Variants in SUZ12 observed in about 807,000 individuals in gnomAD.
SUZ12 encodes the protein polycomb protein SUZ12.
SUZ12 carries 17 observed loss-of-function variants against 87.3 expected under a neutral mutation model. That is an observed-to-expected ratio of 0.19 (90% CI 0.13 to 0.29). The LOEUF is 0.29. Ranked by LOEUF, SUZ12 falls within the 10% of genes least tolerant of loss-of-function variation. SUZ12 has a pLI of 1.00. For synonymous variants in SUZ12, 253 were observed against 312.4 expected (o/e 0.81, Z 2.01); for missense variants, 526 against 912.2 (o/e 0.58, Z 5.45).
At position 31,999,686 on chromosome 17, in the gene SUZ12, AAG is replaced by A. The variant is rs759421080; in HGVS notation, c.*685_*686del. ...ACAGTGAAATGCTATGTTGGTTTAT[AAG>A]ATTACAGACCATTTGTTTTCATGTG... On this transcript the variant is annotated 3_prime_UTR_variant, in exon 16 of 16. Coordinates refer to ENST00000322652, the MANE Select transcript of SUZ12 (RefSeq NM_015355.4). 11 of 232,064 alleles carry A rather than the reference AAG, an allele frequency of 4.7e-5. No homozygotes were observed. In the East Asian group the frequency reaches 6.1e-4, roughly 13 times the overall value. The allele number at this position is 232,064 out of a possible 1,614,324, so 14.4% of individuals were successfully genotyped here. A position where few individuals can be genotyped will look rare whatever the true frequency, so the allele number is the denominator to read the frequency against.
At chr17:31,974,972 C>T (rs1908658858) in intron 6 of SUZ12, among the ~76,000 whole-genome samples, 1 of 152,004 alleles carries the variant, frequency 6.6e-6, no homozygotes, top group Non-Finnish European at 1.5e-5. Context: ...TGTTAAACAA[C>T]ATATTTTAAC....
At chr17:31,940,245 T>C in intron 1 of SUZ12, 41 bp from the exon 2 acceptor site, 1 of 1,580,336 alleles carries the variant, frequency 6.3e-7, no homozygotes, top group South Asian at 1.2e-5. Context: ...TTCTGACAAG[T>C]AAGTTTAGAT....
chr17:31,950,853 C>A (rs1017573877), intron 4 of SUZ12, among the ~76,000 whole-genome samples: 5 of 151,890 alleles, frequency 3.3e-5, no homozygotes, highest in Admixed American at 1.3e-4. Flanking sequence ...GATCTCAGCT[C>A]ACTGCAGGCT....
intron 8 of SUZ12, among the ~76,000 whole-genome samples, chr17:31,981,759 G>C (rs9916607): frequency 0.049 from 7,443 of 152,230 alleles, 581 homozygotes; most frequent in African/African-American, 0.17. Context: ...TCATTTGCTG[G>C]ATCTGGCTAT....
At chr17:31,963,487 G>A (rs1457383007) in intron 4 of SUZ12, among the ~76,000 whole-genome samples, 1 of 147,302 alleles carries the variant, frequency 6.8e-6, no homozygotes, top group African/African-American at 2.5e-5. Context: ...GTGGTTCTTA[G>A]GTATTTTTTT....
At chr17:31,959,373 CAG>C (rs1444106994) in intron 4 of SUZ12, among the ~76,000 whole-genome samples, 1 of 152,142 alleles carries the variant, frequency 6.6e-6, no homozygotes, top group Non-Finnish European at 1.5e-5. Context: ...AGTACTTCTG[CAG>C]AGTGATCCAT....
Position 31,947,654 on chromosome 17 carries a change from G to C in SUZ12, c.424G>C (p.Glu142Gln). ...FKVDDMLSKV[E>Q]KMKGEQESHS... The stretch of plus-strand genomic sequence containing the variant: ...AGTTGATGATATGTTATCAAAAGTA[G>C]AGAAAATGAAAGGAGAGCAAGAATC... Residue 142 changes from glutamate (E) to glutamine (Q), a missense_variant, in exon 4 of 16, where the codon GAG (glutamate) becomes CAG (glutamine). This residue lies in a region of SUZ12 where 49 missense variants were observed against 73.2 expected (regional missense o/e 0.67). Transcript: ENST00000322652. The C allele has an allele frequency of 6.2e-7, 1 of 1,606,212 alleles. No individual in the cohort carries two copies. The highest frequency in any genetic ancestry group is 8.5e-7 in the Non-Finnish European group (1 of 1,174,900).
chr17:31,979,409 T>C (rs1409613778), intron 8 of SUZ12, among the ~76,000 whole-genome samples: 2 of 152,174 alleles, frequency 1.3e-5, no homozygotes, highest in African/African-American at 4.8e-5. Flanking sequence ...TTGACCTCAA[T>C]AATGTCCTTT....
intron 5 of SUZ12, 101 bp from the exon 6 acceptor site, chr17:31,973,044 CT>C: frequency 8.9e-7 from 1 of 1,118,674 alleles, no homozygotes; most frequent in Non-Finnish European, 1.2e-6. Context: ...AGAAGTCTTA[CT>C]GTGGGAAATC....
intron 11 of SUZ12, among the ~76,000 whole-genome samples, 164 bp downstream of exon 11, chr17:31,993,497 C>T (rs926036379): frequency 6.6e-6 from 1 of 152,126 alleles, no homozygotes; most frequent in Non-Finnish European, 1.5e-5. Flanking sequence ...TCTTGGCTCA[C>T]TGCAACCTCT....
chr17:31,996,585 C>CTTCA (rs1283249201), intron 14 of SUZ12, among the ~76,000 whole-genome samples: 1 of 152,186 alleles, frequency 6.6e-6, no homozygotes, highest in Non-Finnish European at 1.5e-5. Flanking sequence ...TGCCACTGTA[C>CTTCA]TTCAGCCTGG....
intron 3 of SUZ12, among the ~76,000 whole-genome samples, chr17:31,943,706 C>CTT (rs748882581): frequency 9.0e-5 from 13 of 145,000 alleles, no homozygotes; most frequent in African/African-American, 2.8e-4. Flanking sequence ...TTCATCAAAG[C>CTT]TTTTTTTTTT....
At chr17:31,977,342 A>G (rs1475874393) in intron 8 of SUZ12, among the ~76,000 whole-genome samples, 3 of 149,456 alleles carry the variant, frequency 2.0e-5, no homozygotes, top group East Asian at 2.0e-4. Context: ...CAGTGGCGCA[A>G]TCTCTGCTCA....
intron 9 of SUZ12, among the ~76,000 whole-genome samples, chr17:31,988,038 ATCTG>A (rs925800433): frequency 8.5e-5 from 13 of 152,176 alleles, no homozygotes; most frequent in East Asian, 1.9e-4. Context: ...AAATCTGAAA[ATCTG>A]TCTGTGTTGG....
chr17:31,980,843 G>A (rs919803019), intron 8 of SUZ12, among the ~76,000 whole-genome samples: 27 of 152,054 alleles, frequency 1.8e-4, no homozygotes, highest in Admixed American at 6.6e-5. Context: ...GCCAAAATCT[G>A]CATGTTAGAT....
In SUZ12 at chr17:31,998,853, G is replaced by A. The variant is rs761984520; in HGVS notation, c.2070G>A (p.Lys690=). The change falls in exon 16 of 16, where the codon AAG becomes AAA. Residue 690 remains lysine (K), a synonymous_variant. Coordinates refer to ENST00000322652, the MANE Select transcript of SUZ12 (RefSeq NM_015355.4). The part of the protein sequence containing the change: ...KLREMQQKLE[K]GESASPANEE... ...GTGAAATGCAGCAAAAATTAGAAAA[G>A]GGGGAATCTGCTTCCCCTGCAAACG... 1.1e-5 allele frequency: 18 copies of A among 1,613,378 alleles called. No individual in the cohort carries two copies. The East Asian group carries it at 4.0e-4, about 36-fold the overall frequency.
intron 4 of SUZ12, chr17:31,965,775 C>T (rs1007940499): frequency 6.8e-5 from 11 of 162,304 alleles, no homozygotes; most frequent in Non-Finnish European, 1.3e-4. Flanking sequence ...CTCCAAAATT[C>T]CTTTTTAAAG....
chr17:31,952,841 G>A (rs190664134), intron 4 of SUZ12, among the ~76,000 whole-genome samples: 6 of 152,326 alleles, frequency 3.9e-5, no homozygotes, highest in Non-Finnish European at 7.3e-5. Flanking sequence ...GGGATTACAG[G>A]CGTGTGGCAC....
chr17:31,953,959 G>A (rs149522237), intron 4 of SUZ12, among the ~76,000 whole-genome samples: 15,059 of 151,840 alleles, frequency 0.099, 1,026 homozygotes, highest in Middle Eastern at 0.15. Flanking sequence ...TGATCCACCT[G>A]CCTCAGCCTC....
Sources: allele counts gnomAD v4.1 joint callset (sites outside exome capture counted in the v4.1 genomes callset), GRCh38; gene constraint gnomAD v4.1.1; regional missense constraint gnomAD v4.1.1; transcripts MANE v1.5; gene names NCBI Gene and HGNC (gene_info 2026-07-23, HGNC 2026-07-21).